Variants in VWF observed in about 807,000 individuals in gnomAD.
The protein encoded by VWF is Factor VIII related antigen.
A neutral mutation model predicts 308.6 loss-of-function variants in VWF; 176 were observed. That is an observed-to-expected ratio of 0.57 (90% CI 0.50 to 0.65). VWF has a LOEUF of 0.65. Ranked by LOEUF, VWF falls within the 30% of genes least tolerant of loss-of-function variation. VWF has a pLI of 0.00. For missense variants in VWF, 3,146 were observed against 3,648.2 expected (o/e 0.86, Z 3.55); for synonymous variants, 1,385 against 1,443.4 (o/e 0.96, Z 0.92).
intron 3 of VWF, among the ~76,000 whole-genome samples, chr12:6,118,107 G>A (rs766843469): frequency 2.0e-5 from 3 of 152,152 alleles, no homozygotes; most frequent in Non-Finnish European, 4.4e-5. Context: ...GTCCCCACCT[G>A]GTAGGGCTAC....
chr12:6,110,494 C>A lies in VWF; in HGVS notation c.412G>T (p.Ala138Ser). ...KLSGEAYGFVARIDGSGNFQV... is the reference protein window; with the variant it reads ...KLSGEAYGFVSRIDGSGNFQV... ...AAGTTGCCGCTGCCATCGATCCTGG[C>A]CACAAAGCCATAGGCCTCACCGGAC... is the stretch of plus-strand genomic sequence containing the variant. Residue 138 changes from alanine (A) to serine (S), a missense_variant, in exon 5 of 52, where the codon GCC becomes TCC. Physicochemically the swap from Ala to Ser is moderately conservative, Grantham distance 99. This residue lies in a region of VWF where 1,304 missense variants were observed against 1,353.0 expected (regional missense o/e 0.96). Transcript: ENST00000261405. 1 of 1,614,164 alleles carries A rather than the reference C, an allele frequency of 6.2e-7. No individual in the cohort carries two copies. The highest frequency in any genetic ancestry group is 8.5e-7 in the Non-Finnish European group (1 of 1,180,024).
chr12:6,021,824 A>G, intron 27 of VWF, 76 bp downstream of exon 27: 1 of 1,600,856 alleles, frequency 6.2e-7, no homozygotes, highest in East Asian at 2.2e-5. Context: ...CTTTTTACCC[A>G]AAACCTAGTC....
chr12:6,060,157 T>G lies in VWF; in HGVS notation c.1534-2113A>C, dbSNP rs7139057. On this transcript the variant is annotated intron_variant, in intron 13 of 51. Coordinates refer to ENST00000261405, the MANE Select transcript of VWF (RefSeq NM_000552.5). This position sits in a 1 kb window ranked among gnomAD's most constrained non-coding sequence, Gnocchi z 5.1. ...AGTGTCACTTAGCGACACTCACTAT[T>G]TGAAATAAACCTCTGGTCAGTGACA... Among the ~76,000 whole-genome samples, 24,192 of 152,018 alleles carry G rather than the reference T, an allele frequency of 0.16. 2,082 individuals carry two copies. The highest frequency in any genetic ancestry group is 0.2 in the Non-Finnish European group (13,249 of 67,922).
At chr12:6,088,352 G>A (rs1055091076) in intron 6 of VWF, among the ~76,000 whole-genome samples, 1 of 152,044 alleles carries the variant, frequency 6.6e-6, no homozygotes, top group African/African-American at 2.4e-5. Context: ...GGTGACAGGC[G>A]CATGTAGTCC....
At position 6,121,177 on chromosome 12, in the gene VWF, T is replaced by A. The variant is rs921931922; in HGVS notation, c.217A>T (p.Ile73Phe). 3.1e-6 allele frequency: 5 copies of A among 1,614,086 alleles called. No homozygotes were observed. Among genetic ancestry groups the A allele is most frequent in the Non-Finnish European group, 4.2e-6 (5 of 1,179,988 alleles). The change falls in exon 3 of 52, where the codon ATT becomes TTT. Residue 73 changes from isoleucine (I) to phenylalanine (F), a missense_variant. Around this residue, in one of 3 missense-constraint regions of VWF, gnomAD observed 1,304 missense variants for 1,353.0 expected, o/e 0.96. Transcript: ENST00000261405. ...CCCTGCAGTGCCCAGAACTCACCAA[T>A]AATCGAGAAGGAGCGTTTCTGGCAG... Reference protein sequence around the residue: ...GGCQKRSFSIIGDFQNGKRVS... With the variant: ...GGCQKRSFSIFGDFQNGKRVS...
chr12:6,121,449 CT>C, intron 2 of VWF, 111 bp from the exon 3 acceptor site: 1 of 1,366,938 alleles, frequency 7.3e-7, no homozygotes, highest in Non-Finnish European at 1.0e-6. Flanking sequence ...AGAAACTGGG[CT>C]GTGGGGAGGT....
Position 6,042,610 on chromosome 12 carries a change from T to C in VWF, c.2442+1681A>G, listed in dbSNP as rs142867695. On this transcript the variant is annotated intron_variant, in intron 18 of 51. Coordinates refer to ENST00000261405, the MANE Select transcript of VWF (RefSeq NM_000552.5). The stretch of plus-strand genomic sequence containing the variant: ...TATGAACCTGCAAGTTAGAATCCCC[T>C]GTGGCTGAAGTGCGAGTCACCTCGT... 3.0e-3 allele frequency among the ~76,000 whole-genome samples: 461 copies of C among 152,326 alleles called. 5 individuals are homozygous for C. Among genetic ancestry groups the C allele is most frequent in the Middle Eastern group, 0.024 (7 of 294 alleles).
intron 2 of VWF, chr12:6,122,654 A>T: frequency 9.2e-6 from 4 of 432,906 alleles, no homozygotes; most frequent in South Asian, 1.7e-5. Context: ...CCAGAATCTT[A>T]GCAAGGGAAG....
chr12:6,064,972 G>A (rs1944695222), intron 11 of VWF, among the ~76,000 whole-genome samples, 165 bp downstream of exon 11: 2 of 152,228 alleles, frequency 1.3e-5, no homozygotes, highest in Admixed American at 1.3e-4. Flanking sequence ...GAGAGGGGAT[G>A]GGCTGGGTTT....
At chr12:6,043,683 C>G (rs73034873) in intron 18 of VWF, among the ~76,000 whole-genome samples, 2,733 of 152,338 alleles carry the variant, frequency 0.018, 39 homozygotes, top group Middle Eastern at 0.051. Context: ...AGTCGCAAAC[C>G]AGCACGGCCT....
intron 2 of VWF, among the ~76,000 whole-genome samples, chr12:6,122,231 C>T (rs572064895): frequency 6.6e-6 from 1 of 152,274 alleles, no homozygotes; most frequent in South Asian, 2.1e-4. Context: ...GTATAGCCCT[C>T]TATTGTTAGG....
chr12:6,032,732 ACC>A (rs1944281647), intron 20 of VWF, among the ~76,000 whole-genome samples: 1 of 152,112 alleles, frequency 6.6e-6, no homozygotes, highest in East Asian at 1.9e-4. Context: ...TGACACACAC[ACC>A]CACACACACA....
Position 6,075,274 on chromosome 12 carries a change from C to A in VWF, c.874+61G>T, listed in dbSNP as rs1354292059. 2 of 1,606,792 alleles carry A rather than the reference C, an allele frequency of 1.2e-6. No individual in the cohort carries two copies. Among genetic ancestry groups the A allele is most frequent in the Admixed American group, 3.3e-5 (2 of 59,960 alleles). On this transcript the variant is annotated intron_variant, in intron 7 of 51. Transcript: ENST00000261405. This position sits in a 1 kb window ranked among gnomAD's most constrained non-coding sequence, Gnocchi z 4.7. ...CACAGCCCCGAAGCACCCTAAGGGA[C>A]ACCACCCAGGACAGACCGTTCATCC...
chr12:6,083,806 T>C (rs1591907356), intron 6 of VWF, among the ~76,000 whole-genome samples: 1 of 152,156 alleles, frequency 6.6e-6, no homozygotes, highest in African/African-American at 2.4e-5. Context: ...CAATACCCAG[T>C]AGGCTATAAG....
At chr12:5,949,646 TAAA>T in intron 51 of VWF, 137 bp downstream of exon 51, 1 of 902,298 alleles carries the variant, frequency 1.1e-6, no homozygotes, top group Non-Finnish European at 1.7e-6. Context: ...AACATTTGCT[TAAA>T]AAAAAATGCT....
At chr12:5,969,485 T>C (rs113852094) in intron 44 of VWF, 94 bp from the exon 45 acceptor site, 1 of 1,485,206 alleles carries the variant, frequency 6.7e-7, no homozygotes, top group South Asian at 1.2e-5. Flanking sequence ...AGGTGGTTTC[T>C]AGACGTGAAG....
At chr12:6,084,277 A>G (rs997666252) in intron 6 of VWF, among the ~76,000 whole-genome samples, 5 of 152,208 alleles carry the variant, frequency 3.3e-5, no homozygotes, top group Non-Finnish European at 7.3e-5. Context: ...GCAGGGATGC[A>G]AAACAAGGGC....
At chr12:6,064,147 G>T in intron 12 of VWF, 99 bp downstream of exon 12, 1 of 1,576,444 alleles carries the variant, frequency 6.3e-7, no homozygotes. Context: ...CATGGAAGAG[G>T]CATGCAGGTC....
intron 51 of VWF, 90 bp downstream of exon 51, chr12:5,949,696 C>T: frequency 7.4e-7 from 1 of 1,346,212 alleles, no homozygotes; most frequent in Non-Finnish European, 1.1e-6. Flanking sequence ...GCGAATTTTC[C>T]AGATCCTTCT....
Sources: gnomAD v4.1 joint callset for allele counts (sites outside exome capture counted in the v4.1 genomes callset) on GRCh38, gnomAD v4.1.1 for gene constraint, gnomAD v4.1.1 regional missense constraint, Gnocchi (gnomAD v3.1) non-coding constraint, MANE v1.5 for transcripts, NCBI Gene and HGNC (gene_info 2026-07-23, HGNC 2026-07-21) for gene names.